Variants in USP28 observed in about 807,000 individuals in gnomAD.
The protein encoded by USP28 is ubiquitin carboxyl-terminal hydrolase 28.
USP28 carries 113 observed loss-of-function variants against 145.0 expected under a neutral mutation model. The ratio of observed to expected loss-of-function variants is 0.78; its 90% CI spans 0.67 to 0.91. USP28 has a LOEUF of 0.91. Ranked by LOEUF, USP28 falls within the 40% of genes least tolerant of loss-of-function variation. The pLI is 0.00. For synonymous variants in USP28, 447 were observed against 450.9 expected (o/e 0.99, Z 0.11); for missense variants, 1,201 against 1,289.6 (o/e 0.93, Z 1.05).
At position 113,803,924 on chromosome 11, in the gene USP28, T is replaced by C. The variant is rs372569103; in HGVS notation, c.2659-47A>G. Reference sequence around the variant, plus strand: ...TAATAATCATGATCATAATAGATTGTTAGTGTCCTTCCCATCTAAGTTTTA... The same window carrying C: ...TAATAATCATGATCATAATAGATTGCTAGTGTCCTTCCCATCTAAGTTTTA... On this transcript the variant is annotated intron_variant, in intron 21 of 24. Transcript: ENST00000003302. 7.3e-4 allele frequency: 1,107 copies of C among 1,525,652 alleles called. 2 individuals are homozygous for C. The highest frequency in any genetic ancestry group is 8.9e-4 in the Middle Eastern group (5 of 5,604). 94.5% of individuals were successfully genotyped at this position (1,525,652 alleles called of 1,614,324 possible).
chr11:113,803,396 A>G (rs1418125031), intron 22 of USP28, 115 bp from the exon 24 acceptor site: 2 of 1,220,600 alleles, frequency 1.6e-6, no homozygotes, highest in Non-Finnish European at 2.2e-6. Context: ...GAAAAAGTGA[A>G]GGACCAAAGA....
chr11:113,824,064 G>A (rs906305916), intron 11 of USP28, among the ~76,000 whole-genome samples: 18 of 151,952 alleles, frequency 1.2e-4, no homozygotes, highest in Non-Finnish European at 2.5e-4. Context: ...GAACTAATAA[G>A]TGAGTTTAGT....
chr11:113,827,286 C>T (rs779077701), exon 11 of USP28: 1 of 1,613,082 alleles, frequency 6.2e-7, no homozygotes, highest in South Asian at 1.1e-5. Context: ...TTTTCTCTGG[C>T]TGCCCAAGGG....
intron 1 of USP28, among the ~76,000 whole-genome samples, chr11:113,858,634 C>T (rs1290267480): frequency 2.0e-5 from 3 of 152,208 alleles, no homozygotes; most frequent in South Asian, 2.1e-4. Context: ...TTTTTTGAGA[C>T]GGAGTCTTGC....
chr11:113,824,706 G>A (rs535881421), intron 11 of USP28, among the ~76,000 whole-genome samples: 6 of 151,548 alleles, frequency 4.0e-5, no homozygotes, highest in Non-Finnish European at 7.4e-5. Flanking sequence ...CGAGGCAGGC[G>A]GATTACCTGA....
At chr11:113,828,056 G>A (rs561772488) in intron 10 of USP28, among the ~76,000 whole-genome samples, 1 of 152,336 alleles carries the variant, frequency 6.6e-6, no homozygotes, top group Non-Finnish European at 1.5e-5. Flanking sequence ...GATCACAGGT[G>A]AGGAAAAGCT....
At chr11:113,847,988 A>G (rs918320971) in intron 3 of USP28, among the ~76,000 whole-genome samples, 1 of 152,220 alleles carries the variant, frequency 6.6e-6, no homozygotes, top group Non-Finnish European at 1.5e-5. Context: ...AGATGCTAAT[A>G]AAAAAACAAC....
At position 113,809,079 on chromosome 11, in the gene USP28, GT is replaced by G. The variant is rs1460244453; in HGVS notation, c.2147del (p.Asp716AlafsTer10). ...CTCAGATACCTTGTGATGTAGAGTA[GT>G]CCTGTGATGAGGAGTTGGTGGAGGA... On this transcript the variant is annotated frameshift_variant, in exon 17 of 25. Coordinates refer to ENST00000003302, the Ensembl canonical transcript of USP28. LOFTEE classifies it high-confidence loss of function. The G allele has an allele frequency of 6.2e-7, 1 of 1,613,990 alleles. No homozygotes were observed. The highest frequency in any genetic ancestry group is 1.3e-5 in the African/African-American group (1 of 74,928).
At chr11:113,854,217 T>C (rs1411355629) in intron 2 of USP28, 41 bp downstream of exon 2, 17 of 1,549,364 alleles carry the variant, frequency 1.1e-5, no homozygotes, top group Non-Finnish European at 1.4e-5. Flanking sequence ...TATAGACAGC[T>C]GCTTTAAAGC....
At chr11:113,875,201 C>G (rs899991632) in intron 1 of USP28, among the ~76,000 whole-genome samples, 1 of 152,146 alleles carries the variant, frequency 6.6e-6, no homozygotes. Context: ...ATTTGGTTTT[C>G]CAAAATCTGG....
intron 14 of USP28, 90 bp from the exon 15 acceptor site, chr11:113,814,045 G>A: frequency 1.1e-6 from 1 of 918,154 alleles, no homozygotes; most frequent in South Asian, 1.6e-5. Context: ...AATATTGCTA[G>A]GGTCCTAATG....
rs571885133 is a variant in USP28, at chr11:113,807,852, G to A, written c.2304+446C>T. ...TTTCTTGACAATCATTTTTTGCAACGAGAAAATATCAGCTATTGGCAGATA... is the reference window on the plus strand; with the variant it reads ...TTTCTTGACAATCATTTTTTGCAACAAGAAAATATCAGCTATTGGCAGATA... On this transcript the variant is annotated intron_variant, in intron 18 of 24. Transcript: ENST00000003302. The A allele has an allele frequency of 8.4e-6, 7 of 832,356 alleles. No homozygotes were observed. The East Asian group carries it at 3.7e-4, about 44-fold the overall frequency. The allele number at this position is 832,356 out of a possible 1,614,324, so 51.6% of individuals were successfully genotyped here.
intron 9 of USP28, 111 bp downstream of exon 9, chr11:113,830,756 G>T: frequency 2.1e-6 from 2 of 942,544 alleles, no homozygotes; most frequent in Non-Finnish European, 3.2e-6. Context: ...AATATTCAGA[G>T]CTGAGTACTG....
At chr11:113,827,490 C>G (rs1943512574) in intron 10 of USP28, 130 bp from the exon 11 acceptor site, 2 of 893,814 alleles carry the variant, frequency 2.2e-6, no homozygotes, top group South Asian at 4.6e-5. Flanking sequence ...CAAACTCATA[C>G]TAGAACTTTT....
At chr11:113,867,163 G>A (rs1309021392) in intron 1 of USP28, among the ~76,000 whole-genome samples, 28 of 152,122 alleles carry the variant, frequency 1.8e-4, no homozygotes, top group Admixed American at 1.8e-3. Context: ...CTGCTTAATG[G>A]TTACAAAGTT....
intron 7 of USP28, 139 bp downstream of exon 7, chr11:113,833,281 G>A (rs1944217209): frequency 1.6e-6 from 2 of 1,214,920 alleles, no homozygotes; most frequent in Non-Finnish European, 2.3e-6. Context: ...TGTTCTGTAG[G>A]CAAAACAAAA....
chr11:113,842,913 C>T (rs1945363053), intron 3 of USP28, among the ~76,000 whole-genome samples: 1 of 152,132 alleles, frequency 6.6e-6, no homozygotes, highest in Non-Finnish European at 1.5e-5. Flanking sequence ...CTTTTATTCA[C>T]CATGGTTCTG....
intron 1 of USP28, among the ~76,000 whole-genome samples, chr11:113,857,139 C>T (rs1319039279): frequency 1.3e-5 from 2 of 152,202 alleles, no homozygotes; most frequent in Non-Finnish European, 2.9e-5. Context: ...ATAAGTCACA[C>T]TAGCTTCTTA....
exon 13 of USP28, chr11:113,817,712 G>A (rs1256354200): frequency 1.9e-6 from 3 of 1,614,094 alleles, no homozygotes; most frequent in Non-Finnish European, 2.5e-6. Context: ...AAGTGGTAAT[G>A]TCATATGTGT....
Sources: gnomAD v4.1 joint callset for allele counts (sites outside exome capture counted in the v4.1 genomes callset) on GRCh38, gnomAD v4.1.1 for gene constraint, MANE v1.5 for transcripts, NCBI Gene and HGNC (gene_info 2026-07-23, HGNC 2026-07-21) for gene names.